The following NAALADL2 variants were observed in gnomAD, a reference collection of about 807,000 sequenced individuals.
The protein encoded by NAALADL2 is inactive N-acetylated-alpha-linked acidic dipeptidase-like protein 2.
NAALADL2 carries 76 observed loss-of-function variants against 87.2 expected under a neutral mutation model. The observed-to-expected ratio is 0.87, with a 90% confidence interval of 0.72 to 1.05. The LOEUF is 1.05. NAALADL2 is among the 50% of genes least tolerant of loss of function. The pLI, the probability that NAALADL2 is intolerant of heterozygous loss-of-function variation, is 0.00. For synonymous variants in NAALADL2, 354 were observed against 331.0 expected, an observed-to-expected ratio of 1.07 and a Z score of -0.75; for missense variants, 1,089 against 945.8, an observed-to-expected ratio of 1.15 and a Z score of -1.99.
At chr3:174,553,278 T>C (rs1012260873) in intron 2 of NAALADL2, among the ~76,000 whole-genome samples, 4 of 152,172 alleles carry the variant, frequency 2.6e-5, no homozygotes, top group African/African-American at 7.2e-5. Context: ...CAATGACATG[T>C]GTAAGAAAGC....
At chr3:174,528,476 A>G (rs1203398168) in intron 1 of NAALADL2, among the ~76,000 whole-genome samples, 1 of 152,170 alleles carries the variant, frequency 6.6e-6, no homozygotes, top group Non-Finnish European at 1.5e-5. Context: ...GTAAAAATAC[A>G]AAAAACTTGG....
At chr3:175,133,330 C>T (rs2108657534) in intron 2 of NAALADL2, among the ~76,000 whole-genome samples, 1 of 152,294 alleles carries the variant, frequency 6.6e-6, no homozygotes, top group South Asian at 2.1e-4. Context: ...GGCGGCTGGG[C>T]AGAGGCTGCA....
chr3:175,553,901 G>T (rs368765906), intron 9 of NAALADL2, among the ~76,000 whole-genome samples: 7 of 152,084 alleles, frequency 4.6e-5, no homozygotes, highest in African/African-American at 1.7e-4. Context: ...GGCTTTTATG[G>T]AGTATGCATC....
intron 1 of NAALADL2, chr3:174,458,744 C>CT (rs2108287500): frequency 6.6e-6 from 1 of 152,300 alleles, no homozygotes; most frequent in East Asian, 1.9e-4. Flanking sequence ...TACTGTTACA[C>CT]TTTTGTTTAA....
In NAALADL2 at chr3:175,720,216, A is replaced by G. The variant is rs539205096; in HGVS notation, c.1897-17090A>G. ...ACAATCCATCTGAACACAACAATCG[A>G]TGCTGAAATAAACTATAAGAGTTTT... On this transcript the variant is annotated intron_variant, in intron 11 of 13. Transcript: ENST00000454872. Among the ~76,000 whole-genome samples the G allele has an allele frequency of 4.6e-5, 7 of 152,274 alleles. No homozygotes were observed. In the East Asian group the frequency reaches 1.4e-3, roughly 29 times the overall value.
At chr3:174,557,414 A>G (rs968333564) in intron 2 of NAALADL2, among the ~76,000 whole-genome samples, 1 of 152,078 alleles carries the variant, frequency 6.6e-6, no homozygotes, top group Non-Finnish European at 1.5e-5. Flanking sequence ...GGTCTGTTAC[A>G]CTTTTGATGT....
intron 9 of NAALADL2, among the ~76,000 whole-genome samples, chr3:175,487,042 C>A (rs1384559386): frequency 1.3e-5 from 2 of 152,180 alleles, no homozygotes; most frequent in African/African-American, 4.8e-5. Context: ...TAAGTCAGAT[C>A]ATTCTGTGCC....
intron 2 of NAALADL2, among the ~76,000 whole-genome samples, chr3:174,570,120 G>A (rs553192800): frequency 2.0e-5 from 3 of 152,040 alleles, no homozygotes; most frequent in Admixed American, 2.0e-4. Flanking sequence ...TTTCTTCCAG[G>A]GATCATAGTG....
chr3:174,897,034 TAAATC>T lies in NAALADL2; in HGVS notation c.43+37585_43+37589del, dbSNP rs1731628227. 2.0e-5 allele frequency among the ~76,000 whole-genome samples: 3 copies of T among 152,304 alleles called. No homozygotes were observed. In the South Asian group the frequency reaches 6.2e-4, roughly 32 times the overall value. Reference sequence around the variant, plus strand: ...ATAAAATTGAAGTGGATTAAAGACTTAAATCTAAGACTTTAAACTATGAAAACTAC... The same window carrying T: ...ATAAAATTGAAGTGGATTAAAGACTTTAAGACTTTAAACTATGAAAACTAC... On this transcript the variant is annotated intron_variant, in intron 1 of 13. Transcript: ENST00000454872.
At chr3:174,809,272 A>G (rs897412895) in intron 3 of NAALADL2, among the ~76,000 whole-genome samples, 1 of 152,124 alleles carries the variant, frequency 6.6e-6, no homozygotes, top group Non-Finnish European at 1.5e-5. Context: ...TACTGGATCT[A>G]TTTTTCTTGT....
rs575207152 is a variant in NAALADL2, at chr3:174,981,657, C to T, written c.44-115133C>T. ...AATAATGAAAGCTGAGAGTCTGCGT[C>T]GCTTCGGATCATGATAAAAAAACCC... On this transcript the variant is annotated intron_variant, in intron 1 of 13. Coordinates refer to ENST00000454872, the MANE Select transcript of NAALADL2 (RefSeq NM_207015.3). Among the ~76,000 whole-genome samples the T allele has an allele frequency of 6.4e-4, 97 of 152,196 alleles. 1 individual carries two copies. The highest frequency in any genetic ancestry group is 3.5e-3 in the South Asian group (17 of 4,820).
At chr3:175,629,897 A>G (rs1276377526) in intron 11 of NAALADL2, among the ~76,000 whole-genome samples, 1 of 151,776 alleles carries the variant, frequency 6.6e-6, no homozygotes, top group Non-Finnish European at 1.5e-5. Flanking sequence ...ATTGGAATAT[A>G]TTGTACGTGT....
chr3:175,574,799 C>T (rs1033509859), intron 9 of NAALADL2, among the ~76,000 whole-genome samples: 6 of 152,084 alleles, frequency 3.9e-5, no homozygotes, highest in Admixed American at 6.5e-5. Flanking sequence ...AATTATGTCA[C>T]GCCAGAGAAG....
At chr3:174,859,550 T>C in intron 1 of NAALADL2, 100 bp downstream of exon 1, 2 of 918,758 alleles carry the variant, frequency 2.2e-6, no homozygotes, top group Non-Finnish European at 3.5e-6. Context: ...CACACACGCA[T>C]CCCTGCATGC....
chr3:175,267,009 T>A (rs2109964689), intron 4 of NAALADL2, among the ~76,000 whole-genome samples: 1 of 148,422 alleles, frequency 6.7e-6, no homozygotes, highest in East Asian at 2.0e-4. Flanking sequence ...AGTTCAAAGC[T>A]TTCTTAGCTT....
chr3:175,053,288 C>T (rs760814126), intron 1 of NAALADL2, among the ~76,000 whole-genome samples: 2 of 152,164 alleles, frequency 1.3e-5, no homozygotes, highest in Non-Finnish European at 2.9e-5. Flanking sequence ...TAGGAATACT[C>T]ATGGCAATGG....
chr3:175,522,654 A>G (rs966301079), intron 9 of NAALADL2, among the ~76,000 whole-genome samples: 12 of 152,210 alleles, frequency 7.9e-5, no homozygotes, highest in African/African-American at 2.7e-4. Flanking sequence ...GCCTTTGTTA[A>G]TTAAATACTT....
rs188538532 is a variant in NAALADL2 at position 175,576,578 on chromosome 3, C to A, written c.1800+391C>A. 2.6e-3 allele frequency among the ~76,000 whole-genome samples: 392 copies of A among 152,214 alleles called. 1 individual carries two copies. Among genetic ancestry groups the A allele is most frequent in the Non-Finnish European group, 3.6e-3 (246 of 67,998 alleles). ...TTCATGGTCTGTATGTTAATGTGAG[C>A]CTTGTGGATTAGCTACCCAAAGTTT... is the stretch of plus-strand genomic sequence containing the variant. On this transcript the variant is annotated intron_variant, in intron 10 of 13. Coordinates refer to ENST00000454872, the MANE Select transcript of NAALADL2 (RefSeq NM_207015.3).
chr3:175,582,297 C>T (rs929897713), intron 10 of NAALADL2, among the ~76,000 whole-genome samples: 1 of 152,018 alleles, frequency 6.6e-6, no homozygotes, highest in Non-Finnish European at 1.5e-5. Context: ...CTTCAAATTG[C>T]CTAATATTTT....
Sources: allele counts gnomAD v4.1 joint callset (sites outside exome capture counted in the v4.1 genomes callset), GRCh38; gene constraint gnomAD v4.1.1; transcripts MANE v1.5; gene names NCBI Gene and HGNC (gene_info 2026-07-23, HGNC 2026-07-21).